ADGRL2: variants seen among roughly 807,000 people sequenced by gnomAD.
ADGRL2 encodes the protein calcium-independent alpha-latrotoxin receptor 2.
A neutral mutation model predicts 157.4 loss-of-function variants in ADGRL2; 44 were observed. That is an observed-to-expected ratio of 0.28 (90% CI 0.22 to 0.36). ADGRL2 has a LOEUF of 0.36. ADGRL2 is among the 10% of genes least tolerant of loss of function. The probability of loss-of-function intolerance (pLI) is 1.00; values close to 1 mark genes in which losing one functional copy is unlikely to be tolerated. For missense variants in ADGRL2, 1,510 were observed against 1,768.9 expected (o/e 0.85, Z 2.63); for synonymous variants, 585 against 624.7 (o/e 0.94, Z 0.95).
At position 81,753,403 on chromosome 1, in the gene ADGRL2, C is replaced by T. The variant is rs553049995; in HGVS notation, c.-142-8408C>T. Reference sequence around the variant, plus strand: ...CCCGCCCCCATGATTCAGTCATCTCCCACCGGGTCCCTCCCACAACACGTG... The same window carrying T: ...CCCGCCCCCATGATTCAGTCATCTCTCACCGGGTCCCTCCCACAACACGTG... On this transcript the variant is annotated intron_variant, in intron 1 of 20. Coordinates refer to the ADGRL2 transcript ENST00000359929. 5.3e-5 allele frequency among the ~76,000 whole-genome samples: 8 copies of T among 152,234 alleles called. No homozygotes were observed. The South Asian group carries it at 6.2e-4, about 12-fold the overall frequency.
rs1162981424 is a variant in ADGRL2, at chr1:81,659,448, T to G, written c.-143+78468T>G. On this transcript the variant is annotated intron_variant, in intron 3 of 24. Coordinates refer to the ADGRL2 transcript ENST00000370721. ...GCCAATGGGAATGAAAGGATAAACG[T>G]AGAGGGGAACCACTCTGCAAGAAAG... is the stretch of plus-strand genomic sequence containing the variant. 2.0e-5 allele frequency among the ~76,000 whole-genome samples: 3 copies of G among 152,318 alleles called. No homozygotes were observed. The East Asian group carries it at 5.8e-4, about 29-fold the overall frequency.
At chr1:81,961,833 C>G (rs1655502190) in intron 11 of ADGRL2, among the ~76,000 whole-genome samples, 1 of 152,070 alleles carries the variant, frequency 6.6e-6, no homozygotes, top group South Asian at 2.1e-4. Context: ...TTACCCTTAG[C>G]ATTTTATTTT....
chr1:81,942,046 G>A lies in ADGRL2; in HGVS notation c.409+1G>A. On this transcript the variant is annotated splice_donor_variant, in intron 5 of 23. Coordinates refer to ENST00000686636, the MANE Select transcript of ADGRL2 (RefSeq NM_001366006.2). LOFTEE classifies it high-confidence loss of function. The stretch of plus-strand genomic sequence containing the variant: ...CTTAAAATAGAAGTGGAGCAAAAAG[G>A]TAAATAACATACAGTCTGAACCCCA... 1 of 769,556 alleles carries A rather than the reference G, an allele frequency of 1.3e-6. No homozygotes were observed. 47.7% of individuals were successfully genotyped at this position (769,556 alleles called of 1,614,324 possible).
chr1:81,507,248 C>T (rs1393584428), intron 2 of ADGRL2, among the ~76,000 whole-genome samples: 1 of 152,024 alleles, frequency 6.6e-6, no homozygotes, highest in Non-Finnish European at 1.5e-5. Flanking sequence ...GAGCAATCAC[C>T]ACCTAGAGAG....
At chr1:81,944,594 G>A (rs1649164120) in intron 6 of ADGRL2, among the ~76,000 whole-genome samples, 1 of 151,998 alleles carries the variant, frequency 6.6e-6, no homozygotes, top group Non-Finnish European at 1.5e-5. Context: ...TATTATTATA[G>A]AGCTTGCACT....
chr1:81,958,263 A>G (rs764731512), intron 11 of ADGRL2, among the ~76,000 whole-genome samples: 3 of 152,052 alleles, frequency 2.0e-5, no homozygotes, highest in African/African-American at 7.2e-5. Context: ...GTCTCAAAAA[A>G]AAAAGGTCAT....
At chr1:81,886,020 C>T (rs558835293) in intron 2 of ADGRL2, among the ~76,000 whole-genome samples, 1 of 152,294 alleles carries the variant, frequency 6.6e-6, no homozygotes, top group East Asian at 1.9e-4. Context: ...AACTTAGTAA[C>T]ATTGACTCCC....
In ADGRL2 at chr1:81,721,980, T is replaced by G. The variant is rs562430983; in HGVS notation, c.-143+22172T>G. On this transcript the variant is annotated intron_variant, in intron 1 of 20. Transcript: ENST00000359929. ...GATTGAACCAGACACTGATGCCCTT[T>G]AAGAAATAGGAGATGAAAATGCAGA... 1,493 of 562,366 alleles carry G rather than the reference T, an allele frequency of 2.7e-3. 5 individuals are homozygous for G. Among genetic ancestry groups the G allele is most frequent in the Non-Finnish European group, 4.2e-3 (1,242 of 299,100 alleles). 34.8% of individuals were successfully genotyped at this position (562,366 alleles called of 1,614,324 possible).
Position 81,609,416 on chromosome 1 carries a change from C to A in ADGRL2, c.-143+28436C>A, listed in dbSNP as rs141036923. Among the ~76,000 whole-genome samples, 4 of 152,218 alleles carry A rather than the reference C, an allele frequency of 2.6e-5. No homozygotes were observed. The East Asian group carries it at 7.7e-4, about 29-fold the overall frequency. ...ACTTGATACAAGTAACTCTTGGGTT[C>A]TTTTTGGTAGATAATAGTTATAATC... is the stretch of plus-strand genomic sequence containing the variant. On this transcript the variant is annotated intron_variant, in intron 3 of 24. Transcript: ENST00000370721.
chr1:81,470,363 C>A (rs1388143172), intron 2 of ADGRL2, among the ~76,000 whole-genome samples: 1 of 152,098 alleles, frequency 6.6e-6, no homozygotes, highest in Non-Finnish European at 1.5e-5. Context: ...TGCTTCTATC[C>A]CCCGGTGCTC....
At position 81,830,093 on chromosome 1, in the gene ADGRL2, G is replaced by A. The variant is rs2091833176; in HGVS notation, c.-100-6792G>A. 4.6e-5 allele frequency among the ~76,000 whole-genome samples: 7 copies of A among 152,212 alleles called. No individual in the cohort carries two copies. The South Asian group carries it at 1.2e-3, about 27-fold the overall frequency. On this transcript the variant is annotated intron_variant, in intron 1 of 23. Coordinates refer to ENST00000686636, the MANE Select transcript of ADGRL2 (RefSeq NM_001366006.2). ...TAATTATTATTTAATGCTTATTTTG[G>A]ATCTTGGTCATTTTCTTGCATATTT...
intron 2 of ADGRL2, among the ~76,000 whole-genome samples, chr1:81,857,147 T>C (rs2093230646): frequency 6.6e-6 from 1 of 152,182 alleles, no homozygotes. Flanking sequence ...AGGAAACTTA[T>C]GCACAGTTAG....
At chr1:81,671,826 A>G (rs2148918883) in intron 3 of ADGRL2, among the ~76,000 whole-genome samples, 1 of 152,180 alleles carries the variant, frequency 6.6e-6, no homozygotes, top group East Asian at 1.9e-4. Flanking sequence ...AGATTCTGAA[A>G]TTCTAATGAG....
chr1:81,832,151 C>CT (rs2091984496), intron 1 of ADGRL2, among the ~76,000 whole-genome samples: 1 of 152,012 alleles, frequency 6.6e-6, no homozygotes. Context: ...ACTTTCTTTT[C>CT]TTCTTTTTGA....
At chr1:81,656,069 TA>T (rs2082527964) in intron 3 of ADGRL2, among the ~76,000 whole-genome samples, 1 of 152,228 alleles carries the variant, frequency 6.6e-6, no homozygotes, top group Non-Finnish European at 1.5e-5. Flanking sequence ...AGTAAATGTC[TA>T]AACACATTCC....
chr1:81,404,966 A>G (rs1165313156), intron 1 of ADGRL2, among the ~76,000 whole-genome samples: 2 of 152,232 alleles, frequency 1.3e-5, no homozygotes, highest in Non-Finnish European at 2.9e-5. Context: ...CAAAAATTCT[A>G]AAAGCTATGT....
intron 1 of ADGRL2, among the ~76,000 whole-genome samples, chr1:81,385,795 CT>C (rs919261698): frequency 1.3e-5 from 2 of 151,870 alleles, no homozygotes; most frequent in Admixed American, 1.3e-4. Context: ...AAGAAGAATC[CT>C]TGGAAGAAAA....
In ADGRL2 at chr1:81,869,428, A is replaced by G. The variant is rs542709141; in HGVS notation, c.73+32371A>G. 6.0e-4 allele frequency among the ~76,000 whole-genome samples: 91 copies of G among 152,226 alleles called. 1 individual carries two copies. The South Asian group carries it at 0.019, about 32-fold the overall frequency. ...ATACACAGATCAGTTTATTTTCTTA[A>G]TGGAGGCTGTAATCTTGCTGTTCCT... On this transcript the variant is annotated intron_variant, in intron 2 of 23. Transcript: ENST00000686636.
rs368007077 is a variant in ADGRL2 at position 81,454,470 on chromosome 1, G to T, written c.-248+9381G>T. ...CTTTAATAACCACTCCACAGAAGAT[G>T]GCTCCACTGGTGTCATTGATCGCAT... On this transcript the variant is annotated intron_variant, in intron 2 of 24. Transcript: ENST00000370721. 5.2e-4 allele frequency among the ~76,000 whole-genome samples: 79 copies of T among 152,212 alleles called. No homozygotes were observed. In the South Asian group the frequency reaches 0.016, roughly 31 times the overall value.
Sources: allele counts gnomAD v4.1 joint callset (sites outside exome capture counted in the v4.1 genomes callset), GRCh38; gene constraint gnomAD v4.1.1; transcripts MANE v1.5; gene names NCBI Gene and HGNC (gene_info 2026-07-23, HGNC 2026-07-21).